Variants in JAZF1 observed in about 807,000 individuals in gnomAD.
JAZF1 encodes the protein JAZF zinc finger 1, also known as juxtaposed with another zinc finger protein 1.
In JAZF1, 8 loss-of-function variants were observed where a neutral mutation model predicts 26.4. The observed-to-expected ratio is 0.30, with a 90% CI of 0.18 to 0.55. The LOEUF (loss-of-function observed/expected upper bound fraction) is 0.55, where lower values mean the gene tolerates loss of function less well. Ranked by LOEUF, JAZF1 falls within the 20% of genes least tolerant of loss-of-function variation. The probability of loss-of-function intolerance (pLI) is 0.94; values close to 1 mark genes in which losing one functional copy is unlikely to be tolerated. For synonymous variants in JAZF1, 126 were observed against 122.3 expected, an observed-to-expected ratio of 1.03 and a Z score of -0.20; for missense variants, 199 against 322.0, an observed-to-expected ratio of 0.62 and a Z score of 2.92.
At chr7:28,171,954 T>C (rs1276996792) in intron 1 of JAZF1, among the ~76,000 whole-genome samples, 1 of 152,228 alleles carries the variant, frequency 6.6e-6, no homozygotes, top group Non-Finnish European at 1.5e-5. Context: ...AATTGAATGT[T>C]ATAAAATGTT....
intron 1 of JAZF1, among the ~76,000 whole-genome samples, chr7:28,057,694 A>G (rs767697684): frequency 6.6e-6 from 1 of 152,182 alleles, no homozygotes; most frequent in African/African-American, 2.4e-5. Context: ...GTCAGTTTTA[A>G]TAAGTTAGGA....
At chr7:27,962,672 G>A (rs1473771952) in intron 2 of JAZF1, among the ~76,000 whole-genome samples, 1 of 152,188 alleles carries the variant, frequency 6.6e-6, no homozygotes, top group African/African-American at 2.4e-5. Flanking sequence ...ACCTTTAATG[G>A]CCAGGCTTAG....
intron 1 of JAZF1, among the ~76,000 whole-genome samples, chr7:28,018,584 TAC>T (rs1241461536): frequency 6.6e-6 from 1 of 152,178 alleles, no homozygotes; most frequent in African/African-American, 2.4e-5. Flanking sequence ...GGAAAAATTA[TAC>T]AGTCATCCTA....
At chr7:27,992,520 T>G (rs1330244003) in intron 1 of JAZF1, among the ~76,000 whole-genome samples, 1 of 152,184 alleles carries the variant, frequency 6.6e-6, no homozygotes, top group South Asian at 2.1e-4. Flanking sequence ...CAATCAGAAA[T>G]TCTCATACTG....
At chr7:28,008,298 C>T (rs935073700) in intron 1 of JAZF1, among the ~76,000 whole-genome samples, 1 of 152,070 alleles carries the variant, frequency 6.6e-6, no homozygotes, top group Non-Finnish European at 1.5e-5. Context: ...CTCACTGCAA[C>T]GTCAATCTCC....
At chr7:28,170,379 GTGTGTGTGTGTGTGTA>G (rs1783441679) in intron 1 of JAZF1, among the ~76,000 whole-genome samples, 2 of 130,008 alleles carry the variant, frequency 1.5e-5, no homozygotes, top group African/African-American at 2.9e-5. Context: ...GTGTGTGTGT[GTGTGTGTGTGTGTGTA>G]TGTGTGTATG....
At chr7:28,024,874 G>A (rs954515909) in intron 1 of JAZF1, among the ~76,000 whole-genome samples, 1 of 152,204 alleles carries the variant, frequency 6.6e-6, no homozygotes, top group Admixed American at 6.5e-5. Context: ...GGTGCTCTCT[G>A]TATTGCTTGA....
intron 2 of JAZF1, among the ~76,000 whole-genome samples, chr7:27,930,891 C>T (rs1055193678): frequency 3.9e-5 from 6 of 151,932 alleles, no homozygotes; most frequent in African/African-American, 1.5e-4. Context: ...ACACAGCCAT[C>T]AGCAGGACAG....
chr7:27,936,713 C>T (rs183161883), intron 2 of JAZF1, among the ~76,000 whole-genome samples: 5 of 152,238 alleles, frequency 3.3e-5, no homozygotes, highest in Non-Finnish European at 5.9e-5. Flanking sequence ...AAATGCTCTC[C>T]CATGTCTATC....
At chr7:28,150,045 T>G (rs1783086809) in intron 1 of JAZF1, among the ~76,000 whole-genome samples, 1 of 152,212 alleles carries the variant, frequency 6.6e-6, no homozygotes, top group African/African-American at 2.4e-5. Context: ...AGATAGGTTT[T>G]CTGAAGAGGA....
intron 2 of JAZF1, among the ~76,000 whole-genome samples, chr7:27,985,483 T>C (rs1583493353): frequency 6.6e-6 from 1 of 152,116 alleles, no homozygotes; most frequent in East Asian, 1.9e-4. Context: ...CCAAAAAAAG[T>C]CCAGGACCAG....
intron 1 of JAZF1, among the ~76,000 whole-genome samples, chr7:28,002,700 C>T (rs979476719): frequency 6.6e-6 from 1 of 152,160 alleles, no homozygotes; most frequent in Non-Finnish European, 1.5e-5. Flanking sequence ...TCATCACTCA[C>T]TTAAGTGTGG....
At chr7:28,132,440 G>C (rs1782810241) in intron 1 of JAZF1, among the ~76,000 whole-genome samples, 1 of 152,126 alleles carries the variant, frequency 6.6e-6, no homozygotes, top group South Asian at 2.1e-4. Context: ...GGGAAACCAG[G>C]GCTGCCTGCA....
intron 1 of JAZF1, among the ~76,000 whole-genome samples, chr7:28,075,413 TAAGTA>T (rs1784035620): frequency 1.3e-5 from 2 of 152,174 alleles, no homozygotes; most frequent in East Asian, 3.9e-4. Context: ...AAGTATGTAT[TAAGTA>T]AATATGAGAA....
intron 2 of JAZF1, among the ~76,000 whole-genome samples, chr7:27,918,446 C>T (rs1043378307): frequency 6.6e-5 from 10 of 152,318 alleles, no homozygotes; most frequent in African/African-American, 2.4e-4. Context: ...TATCACCTCA[C>T]TGACTATATC....
At chr7:28,164,310 C>G (rs956504437) in intron 1 of JAZF1, among the ~76,000 whole-genome samples, 7 of 152,352 alleles carry the variant, frequency 4.6e-5, no homozygotes, top group African/African-American at 1.7e-4. Flanking sequence ...ATTGTAGCAG[C>G]AGCTGATCAT....
At chr7:28,110,567 AAAAGGGAAAG>A (rs1784640717) in intron 1 of JAZF1, among the ~76,000 whole-genome samples, 1 of 103,932 alleles carries the variant, frequency 9.6e-6, no homozygotes, top group African/African-American at 3.5e-5. Flanking sequence ...AAGGGAAAGG[AAAAGGGAAAG>A]GGAAAAGGAA....
At chr7:28,114,620 T>C (rs1784713625) in intron 1 of JAZF1, among the ~76,000 whole-genome samples, 1 of 151,198 alleles carries the variant, frequency 6.6e-6, no homozygotes. Flanking sequence ...CTTTCTACTT[T>C]TAGGGTTTAT....
intron 1 of JAZF1, among the ~76,000 whole-genome samples, chr7:28,164,940 G>A (rs1054272394): frequency 1.3e-5 from 2 of 152,224 alleles, no homozygotes; most frequent in East Asian, 1.9e-4. Flanking sequence ...AGGCCTAGGC[G>A]GAAGGATCAC....
Sources: gnomAD v4.1 joint callset for allele counts (sites outside exome capture counted in the v4.1 genomes callset) on GRCh38, gnomAD v4.1.1 for gene constraint, MANE v1.5 for transcripts, NCBI Gene and HGNC (gene_info 2026-07-23, HGNC 2026-07-21) for gene names.